The following PRKN variants were observed in gnomAD, a reference collection of about 807,000 sequenced individuals.
PRKN encodes E3 ubiquitin-protein ligase parkin.
A neutral mutation model predicts 59.5 loss-of-function variants in PRKN; 56 were observed. The observed-to-expected ratio is 0.94, with a 90% CI of 0.76 to 1.18. The LOEUF is 1.18. Ranked by LOEUF, PRKN falls within the 50% of genes most tolerant of loss-of-function variation. The pLI, the probability that PRKN is intolerant of heterozygous loss-of-function variation, is 0.00. For synonymous variants in PRKN, 250 were observed against 222.1 expected (o/e 1.13, Z -1.12); for missense variants, 657 against 596.4 (o/e 1.10, Z -1.06).
chr6:161,869,426 G>C (rs933825468), intron 6 of PRKN, among the ~76,000 whole-genome samples: 2 of 151,912 alleles, frequency 1.3e-5, no homozygotes, highest in African/African-American at 2.4e-5. Flanking sequence ...AAAGGCGATG[G>C]TCAACCCATA....
chr6:162,585,390 T>C (rs533154725), intron 1 of PRKN, among the ~76,000 whole-genome samples: 7 of 152,178 alleles, frequency 4.6e-5, no homozygotes, highest in African/African-American at 9.6e-5. Context: ...CCGTTACCCA[T>C]TGGCTGCATT....
At chr6:162,384,466 G>A (rs1301671680) in intron 2 of PRKN, among the ~76,000 whole-genome samples, 4 of 151,888 alleles carry the variant, frequency 2.6e-5, no homozygotes, top group South Asian at 2.1e-4. Context: ...GCAGTTCATC[G>A]CACTCCAAAA....
At chr6:161,980,587 T>C (rs957930274) in intron 5 of PRKN, among the ~76,000 whole-genome samples, 7 of 152,138 alleles carry the variant, frequency 4.6e-5, no homozygotes, top group African/African-American at 1.7e-4. Flanking sequence ...TAGAGGACAA[T>C]GGGAGAAGGT....
intron 7 of PRKN, among the ~76,000 whole-genome samples, chr6:161,650,219 C>G (rs1784102115): frequency 6.6e-6 from 1 of 152,104 alleles, no homozygotes; most frequent in African/African-American, 2.4e-5. Context: ...TTGTTTATGT[C>G]AGCTGTGGTA....
rs1318136168 is a variant in PRKN, at chr6:161,417,539, A to G, written c.1084-30662T>C. Among the ~76,000 whole-genome samples, 2 of 152,118 alleles carry G rather than the reference A, an allele frequency of 1.3e-5. No individual in the cohort carries two copies. Among genetic ancestry groups the G allele is most frequent in the Non-Finnish European group, 2.9e-5 (2 of 68,024 alleles). ...TAAAGGTCTCTGAATTAAAGTGTAT[A>G]AATGTACCTTCTCCCATAACTCTGA... On this transcript the variant is annotated intron_variant, in intron 9 of 11. Coordinates refer to ENST00000366898, the MANE Select transcript of PRKN (RefSeq NM_004562.3). This position sits in a 1 kb window ranked among gnomAD's most constrained non-coding sequence, Gnocchi z 5.4.
At chr6:162,635,626 AG>A (rs1583952674) in intron 1 of PRKN, among the ~76,000 whole-genome samples, 2 of 151,864 alleles carry the variant, frequency 1.3e-5, no homozygotes, top group East Asian at 3.8e-4. Context: ...CATTACTCTA[AG>A]AAATTATTTC....
chr6:161,992,719 A>C (rs1781697331), intron 5 of PRKN, among the ~76,000 whole-genome samples: 2 of 152,196 alleles, frequency 1.3e-5, no homozygotes, highest in South Asian at 4.1e-4. Context: ...AAGTCTCAAG[A>C]AATTTGTTAA....
At chr6:161,492,164 T>C (rs1237836595) in intron 9 of PRKN, among the ~76,000 whole-genome samples, 2 of 152,222 alleles carry the variant, frequency 1.3e-5, no homozygotes, top group African/African-American at 4.8e-5. Context: ...AAATCAATGT[T>C]AATTATTATA....
intron 1 of PRKN, among the ~76,000 whole-genome samples, chr6:162,679,399 C>T (rs967577150): frequency 6.6e-6 from 1 of 152,080 alleles, no homozygotes; most frequent in South Asian, 2.1e-4. Flanking sequence ...CCAATGCACA[C>T]AGCAAGGTGT....
chr6:162,440,799 G>C (rs9356021), intron 2 of PRKN, among the ~76,000 whole-genome samples: 9,377 of 151,692 alleles, frequency 0.062, 327 homozygotes, highest in South Asian at 0.13. Flanking sequence ...GATATTTTGT[G>C]CTTATACTGT....
chr6:162,546,600 C>T (rs1006471583), intron 1 of PRKN, among the ~76,000 whole-genome samples: 23 of 151,826 alleles, frequency 1.5e-4, no homozygotes, highest in South Asian at 8.3e-4. Flanking sequence ...TGTGCCACCA[C>T]GCCCGGCTAA....
In PRKN at chr6:161,600,709, G is replaced by A. The variant is rs73782951; in HGVS notation, c.872-31293C>T. ...GGCATATTATGGGGATATATGTGTG[G>A]GAAAGAAGAAAATGTTCTCACCTAC... is the stretch of plus-strand genomic sequence containing the variant. On this transcript the variant is annotated intron_variant, in intron 7 of 11. Transcript: ENST00000366898. Among the ~76,000 whole-genome samples, 458 of 151,990 alleles carry A rather than the reference G, an allele frequency of 3.0e-3. 1 individual carries two copies. The highest frequency in any genetic ancestry group is 0.01 in the African/African-American group (434 of 41,430).
chr6:162,267,034 G>A (rs910461531), intron 2 of PRKN, among the ~76,000 whole-genome samples: 8 of 152,136 alleles, frequency 5.3e-5, no homozygotes, highest in Non-Finnish European at 7.3e-5. Flanking sequence ...CATGAAACAC[G>A]TGAAGAACCT....
chr6:162,727,621 G>A, intron 1 of PRKN, 41 bp downstream of exon 1: 1 of 1,571,738 alleles, frequency 6.4e-7, no homozygotes, highest in Non-Finnish European at 8.6e-7. Flanking sequence ...CCGGGGCGTG[G>A]GGCGGCGCAG....
At chr6:161,365,879 C>T (rs1405168022) in intron 10 of PRKN, among the ~76,000 whole-genome samples, 1 of 152,200 alleles carries the variant, frequency 6.6e-6, no homozygotes, top group Non-Finnish European at 1.5e-5. Flanking sequence ...GGCCAGTTCA[C>T]TCAGGGGAGA....
At chr6:161,902,564 A>ATCTATTTTTTTTTTTCT (rs1242030157) in intron 6 of PRKN, among the ~76,000 whole-genome samples, 1 of 112,046 alleles carries the variant, frequency 8.9e-6, no homozygotes. Flanking sequence ...TTATTTATTT[A>ATCTATTTTTTTTTTTCT]TTTTTTTTTT....
intron 4 of PRKN, among the ~76,000 whole-genome samples, chr6:162,072,503 A>G (rs1487788367): frequency 6.6e-6 from 1 of 152,204 alleles, no homozygotes; most frequent in Non-Finnish European, 1.5e-5. Context: ...TCGATCCCAA[A>G]CAAGATGATT....
intron 3 of PRKN, among the ~76,000 whole-genome samples, chr6:162,207,173 C>T (rs1433339844): frequency 6.6e-6 from 1 of 152,070 alleles, no homozygotes; most frequent in Non-Finnish European, 1.5e-5. Flanking sequence ...GAGATCCAGA[C>T]CATCCTGGCT....
intron 7 of PRKN, among the ~76,000 whole-genome samples, chr6:161,663,621 C>T (rs988570053): frequency 6.6e-6 from 1 of 152,146 alleles, no homozygotes; most frequent in Non-Finnish European, 1.5e-5. Flanking sequence ...CAAGTTTTGT[C>T]TCCAGATGAG....
Sources: allele counts gnomAD v4.1 joint callset (sites outside exome capture counted in the v4.1 genomes callset), GRCh38; gene constraint gnomAD v4.1.1; non-coding constraint Gnocchi (gnomAD v3.1); transcripts MANE v1.5; gene names NCBI Gene and HGNC (gene_info 2026-07-23, HGNC 2026-07-21).